PCDHA2: variants seen among roughly 807,000 people sequenced by gnomAD.
PCDHA2 encodes protocadherin alpha-2.
PCDHA2 carries 58 observed loss-of-function variants against 66.0 expected under a neutral mutation model. The observed-to-expected ratio is 0.88, with a 90% CI of 0.71 to 1.09. The LOEUF (loss-of-function observed/expected upper bound fraction) is 1.09. Among genes scored for constraint, PCDHA2 ranks in the 50% least tolerant of loss-of-function variants. The pLI is 0.00. For missense variants in PCDHA2, 1,267 were observed against 1,242.3 expected (o/e 1.02, Z -0.30); for synonymous variants, 634 against 554.0 (o/e 1.14, Z -2.03).
At chr5:140,843,015 T>G in intron 1 of PCDHA2, 1 of 1,595,148 alleles carries the variant, frequency 6.3e-7, no homozygotes, top group Non-Finnish European at 8.6e-7. Context: ...GCGCCGGCAC[T>G]GCTGGAGCCT....
At chr5:140,883,959 C>T (rs782366148) in intron 1 of PCDHA2, 4 of 1,613,092 alleles carry the variant, frequency 2.5e-6, no homozygotes, top group Admixed American at 3.3e-5. Context: ...AACGCTCCGG[C>T]GCTGCTGACG....
chr5:140,865,936 A>G (rs1279027190), intron 1 of PCDHA2: 2 of 152,184 alleles, frequency 1.3e-5, no homozygotes, highest in Non-Finnish European at 2.9e-5. Flanking sequence ...AAGAAACTTC[A>G]TGATTGTCTT....
chr5:140,902,786 C>G (rs1450809375), intron 1 of PCDHA2, among the ~76,000 whole-genome samples: 1 of 151,906 alleles, frequency 6.6e-6, no homozygotes, highest in Non-Finnish European at 1.5e-5. Flanking sequence ...TAGCTTAGCT[C>G]TCACTTGTAT....
chr5:140,925,076 A>G (rs1388489555), intron 1 of PCDHA2, among the ~76,000 whole-genome samples: 2 of 148,798 alleles, frequency 1.3e-5, no homozygotes, highest in Non-Finnish European at 3.0e-5. Context: ...CAACACGCTC[A>G]TCTGGAAAGG....
intron 1 of PCDHA2, among the ~76,000 whole-genome samples, chr5:140,897,595 A>C (rs2066215346): frequency 6.6e-6 from 1 of 152,132 alleles, no homozygotes; most frequent in Admixed American, 6.5e-5. Context: ...TCATTGTTGG[A>C]CATTTGGGTT....
intron 1 of PCDHA2, among the ~76,000 whole-genome samples, chr5:140,897,824 A>G (rs1234550995): frequency 2.6e-5 from 4 of 152,016 alleles, no homozygotes; most frequent in African/African-American, 9.7e-5. Flanking sequence ...AAGTGTTCCT[A>G]TTTCTCCACA....
At chr5:140,990,708 T>G (rs1201090744) in intron 3 of PCDHA2, among the ~76,000 whole-genome samples, 3 of 152,190 alleles carry the variant, frequency 2.0e-5, no homozygotes, top group African/African-American at 7.2e-5. Context: ...TTTATGGGGA[T>G]AAGAGCATCA....
At chr5:140,895,829 C>T (rs2065183021) in intron 1 of PCDHA2, among the ~76,000 whole-genome samples, 1 of 151,878 alleles carries the variant, frequency 6.6e-6, no homozygotes, top group African/African-American at 2.4e-5. Context: ...GTATTTTTTT[C>T]AGACAAAGTC....
At chr5:140,823,398 G>A in intron 1 of PCDHA2, 1 of 1,612,976 alleles carries the variant, frequency 6.2e-7, no homozygotes, top group East Asian at 2.2e-5. Context: ...ACGCGGGCGT[G>A]CCGCCTCTGG....
chr5:140,838,179 T>A (rs1554136904), intron 1 of PCDHA2, among the ~76,000 whole-genome samples: 1 of 150,072 alleles, frequency 6.7e-6, no homozygotes, highest in East Asian at 2.0e-4. Context: ...AGTGGTGCAA[T>A]CTCAGCTCAC....
intron 1 of PCDHA2, among the ~76,000 whole-genome samples, chr5:140,914,843 A>G (rs1269507537): frequency 6.6e-6 from 1 of 152,142 alleles, no homozygotes; most frequent in Non-Finnish European, 1.5e-5. Context: ...CAAACACACA[A>G]AAGGAAGACT....
In PCDHA2 at chr5:140,875,872, A is replaced by C. The variant is rs1554168004; in HGVS notation, c.2388+78520A>C. Reference sequence around the variant, plus strand: ...CATTAACGACAACCCGCCGGTGTTCAGAGAAAGGGAACAAAAGGTACCTGT... The same window carrying C: ...CATTAACGACAACCCGCCGGTGTTCCGAGAAAGGGAACAAAAGGTACCTGT... On this transcript the variant is annotated intron_variant, in intron 1 of 3. Coordinates refer to ENST00000526136, the MANE Select transcript of PCDHA2 (RefSeq NM_018905.3). 1.9e-6 allele frequency: 3 copies of C among 1,614,224 alleles called. No individual in the cohort carries two copies. In the East Asian group the frequency reaches 6.7e-5, roughly 36 times the overall value.
chr5:140,836,200 G>C lies in PCDHA2; in HGVS notation c.2388+38848G>C, dbSNP rs2150255227. ...GACGCTGACTCAGGCTACAACGCGT[G>C]GCTTTCGTATGAGTTGCAACCGGTG... On this transcript the variant is annotated intron_variant, in intron 1 of 3. Transcript: ENST00000526136. 4 of 1,613,854 alleles carry C rather than the reference G, an allele frequency of 2.5e-6. No individual in the cohort carries two copies. The South Asian group carries it at 4.4e-5, about 18-fold the overall frequency.
In PCDHA2 at chr5:140,846,712, C is replaced by A. The variant is rs1014332332; in HGVS notation, c.2388+49360C>A. Among the ~76,000 whole-genome samples, 13 of 149,346 alleles carry A rather than the reference C, an allele frequency of 8.7e-5. 2 individuals are homozygous for A. Among genetic ancestry groups the A allele is most frequent in the South Asian group, 8.5e-4 (4 of 4,692 alleles). ...TAGCAAGTAGAGAAGATTGTAATAA[C>A]CAGTCTTCATTAAACATTAAATAGG... On this transcript the variant is annotated intron_variant, in intron 1 of 3. Transcript: ENST00000526136.
At chr5:140,921,428 T>G (rs1291283426) in intron 1 of PCDHA2, among the ~76,000 whole-genome samples, 1 of 152,190 alleles carries the variant, frequency 6.6e-6, no homozygotes, top group Non-Finnish European at 1.5e-5. Context: ...GACAAAAATT[T>G]TCTTCAATGG....
chr5:140,829,542 C>T, intron 1 of PCDHA2: 4 of 1,612,968 alleles, frequency 2.5e-6, no homozygotes, highest in Non-Finnish European at 3.4e-6. Context: ...GACGCGGACG[C>T]GCAGGAGAAC....
intron 1 of PCDHA2, chr5:140,854,500 C>T (rs1489975615): frequency 2.0e-5 from 3 of 149,908 alleles, no homozygotes; most frequent in Non-Finnish European, 3.0e-5. Context: ...TAGTAGGACA[C>T]ATAAACTGAT....
intron 1 of PCDHA2, among the ~76,000 whole-genome samples, chr5:140,957,575 T>C (rs1437290620): frequency 6.6e-6 from 1 of 152,152 alleles, no homozygotes; most frequent in African/African-American, 2.4e-5. Flanking sequence ...ACTACTGTAC[T>C]TTTAACAAAG....
chr5:141,004,336 G>A (rs1554259546), intron 3 of PCDHA2, among the ~76,000 whole-genome samples: 1 of 152,224 alleles, frequency 6.6e-6, no homozygotes, highest in East Asian at 1.9e-4. Flanking sequence ...AGGCACAGTG[G>A]TCTGTGAGGG....
Sources: gnomAD v4.1 joint callset for allele counts (sites outside exome capture counted in the v4.1 genomes callset) on GRCh38, gnomAD v4.1.1 for gene constraint, MANE v1.5 for transcripts, NCBI Gene and HGNC (gene_info 2026-07-23, HGNC 2026-07-21) for gene names.